LNX1: variants seen among roughly 807,000 people sequenced by gnomAD.
LNX1 encodes the protein ligand of numb-protein X 1, also known as E3 ubiquitin-protein ligase LNX.
LNX1 carries 54 observed loss-of-function variants against 68.4 expected under a neutral mutation model. The ratio of observed to expected loss-of-function variants is 0.79; its 90% CI spans 0.63 to 0.99. The LOEUF (loss-of-function observed/expected upper bound fraction) is 0.99. LNX1 is among the 50% of genes least tolerant of loss of function. The probability of loss-of-function intolerance (pLI) is 0.00; values close to 1 mark genes in which losing one functional copy is unlikely to be tolerated. For synonymous variants in LNX1, 336 were observed against 350.0 expected, an observed-to-expected ratio of 0.96 and a Z score of 0.45; for missense variants, 906 against 926.4, an observed-to-expected ratio of 0.98 and a Z score of 0.29.
At chr4:53,628,963 T>C (rs1228525912) in intron 1 of LNX1, among the ~76,000 whole-genome samples, 1 of 152,148 alleles carries the variant, frequency 6.6e-6, no homozygotes, top group Non-Finnish European at 1.5e-5. Flanking sequence ...TAATGGACTA[T>C]GGAGGCTCAG....
At chr4:53,498,170 T>C (rs746349310) in intron 5 of LNX1, among the ~76,000 whole-genome samples, 5 of 152,162 alleles carry the variant, frequency 3.3e-5, no homozygotes, top group African/African-American at 7.2e-5. Flanking sequence ...CGTAAGACTA[T>C]AGGAAATTGA....
intron 1 of LNX1, among the ~76,000 whole-genome samples, chr4:53,578,330 A>G (rs903199383): frequency 1.3e-5 from 2 of 152,228 alleles, no homozygotes; most frequent in Non-Finnish European, 2.9e-5. Flanking sequence ...CATAGAGTGC[A>G]CTTACACACA....
At chr4:53,570,757 G>C (rs938910740) in intron 2 of LNX1, among the ~76,000 whole-genome samples, 1 of 151,612 alleles carries the variant, frequency 6.6e-6, no homozygotes, top group African/African-American at 2.4e-5. Flanking sequence ...GCTGGGCGTG[G>C]TGGCTCACGC....
Position 53,477,577 on chromosome 4 carries a change from T to A in LNX1, c.1664-596A>T, listed in dbSNP as rs113712244. Among the ~76,000 whole-genome samples, 1,105 of 152,342 alleles carry A rather than the reference T, an allele frequency of 7.3e-3. 16 individuals are homozygous for A. Among genetic ancestry groups the A allele is most frequent in the African/African-American group, 0.026 (1,061 of 41,578 alleles). On this transcript the variant is annotated intron_variant, in intron 8 of 10. Coordinates refer to ENST00000263925, the MANE Select transcript of LNX1 (RefSeq NM_001126328.3). ...ATATAGATCATATAATCCTCTAGCT[T>A]ATGTTCTGTTAACAAGTCATTTGTT... is the stretch of plus-strand genomic sequence containing the variant.
At chr4:53,605,426 G>A (rs1442116895) in intron 2 of LNX1, among the ~76,000 whole-genome samples, 9 of 152,018 alleles carry the variant, frequency 5.9e-5, no homozygotes, top group Non-Finnish European at 1.0e-4. Flanking sequence ...TTGTGTATGC[G>A]TGTATGGGGG....
At chr4:53,486,821 T>C (rs113361137) in intron 6 of LNX1, among the ~76,000 whole-genome samples, 2,492 of 152,358 alleles carry the variant, frequency 0.016, 34 homozygotes, top group Non-Finnish European at 0.024. Context: ...TGATGGAACT[T>C]AGCATTTTGC....
At chr4:53,625,844 C>CAGTGTGT (rs71662240) in intron 1 of LNX1, among the ~76,000 whole-genome samples, 2 of 144,166 alleles carry the variant, frequency 1.4e-5, no homozygotes, top group Non-Finnish European at 3.0e-5. Flanking sequence ...AATTCCACCC[C>CAGTGTGT]GTGTGTGTGT....
chr4:53,472,384 GC>G (rs1723259026), intron 9 of LNX1, among the ~76,000 whole-genome samples: 1 of 152,010 alleles, frequency 6.6e-6, no homozygotes, highest in East Asian at 1.9e-4. Flanking sequence ...TATACCTAAT[GC>G]TAAATGACGA....
chr4:53,540,318 G>A (rs1253899195), intron 2 of LNX1, among the ~76,000 whole-genome samples: 1 of 152,136 alleles, frequency 6.6e-6, no homozygotes, highest in African/African-American at 2.4e-5. Flanking sequence ...GAGTGGTTGA[G>A]GCTGCAGTAA....
At position 53,464,119 on chromosome 4, in the gene LNX1, A is replaced by AAAT. The variant is rs1274097082; in HGVS notation, c.1893-2529_1893-2527dup. On this transcript the variant is annotated intron_variant, in intron 9 of 10. Coordinates refer to ENST00000263925, the MANE Select transcript of LNX1 (RefSeq NM_001126328.3). Reference sequence around the variant, plus strand: ...ATGTTTTGAGCTCTGTGAGAGCAGAAAATTGGAAATTGAATCTATAGAAAA... The same window carrying AAAT: ...ATGTTTTGAGCTCTGTGAGAGCAGAAAATAATTGGAAATTGAATCTATAGAAAA... Among the ~76,000 whole-genome samples the AAAT allele has an allele frequency of 5.3e-5, 8 of 152,282 alleles. No homozygotes were observed. In the East Asian group the frequency reaches 5.8e-4, roughly 11 times the overall value.
In LNX1 at chr4:53,498,707, T is replaced by C. The variant is rs1725253734; in HGVS notation, c.912A>G (p.Gln304=). 1 of 1,613,996 alleles carries C rather than the reference T, an allele frequency of 6.2e-7. No homozygotes were observed. The highest frequency in any genetic ancestry group is 8.5e-7 in the Non-Finnish European group (1 of 1,179,888). The change falls in exon 5 of 11, where the codon CAA becomes CAG. Residue 304 remains glutamine (Q), a synonymous_variant. Transcript: ENST00000263925. ...CGATCACCCCATCACGATAAATGTG[T>C]TGGATAATGATATGGACCAGTGGGG... ...SETPLVHIII[Q]HIYRDGVIAR...
At chr4:53,519,698 C>A (rs1727067663) in intron 2 of LNX1, among the ~76,000 whole-genome samples, 1 of 152,136 alleles carries the variant, frequency 6.6e-6, no homozygotes, top group East Asian at 1.9e-4. Flanking sequence ...CACACACACA[C>A]TCCTTAACAG....
Position 53,637,092 on chromosome 4 carries a change from T to C in LNX1, c.-215+15076A>G, listed in dbSNP as rs377615913. On this transcript the variant is annotated intron_variant, in intron 1 of 2. Transcript: ENST00000507168. ...CTGTTACTGCTAAGAGCATACAGCA[T>C]AGACAGAAGCAGTTTGATGAGAGGA... 1.9e-3 allele frequency among the ~76,000 whole-genome samples: 292 copies of C among 152,146 alleles called. 10 individuals carry two copies. The South Asian group carries it at 0.06, about 31-fold the overall frequency.
intron 2 of LNX1, among the ~76,000 whole-genome samples, chr4:53,516,234 C>G (rs1233257158): frequency 6.6e-6 from 1 of 151,974 alleles, no homozygotes; most frequent in Admixed American, 6.6e-5. Context: ...AGAGCAACAC[C>G]CTATCTATCT....
At chr4:53,524,891 G>C (rs1459299953) in intron 2 of LNX1, among the ~76,000 whole-genome samples, 3 of 152,156 alleles carry the variant, frequency 2.0e-5, no homozygotes, top group Non-Finnish European at 4.4e-5. Context: ...CTTGCCCAAA[G>C]GGGTGTTTTC....
chr4:53,563,658 C>T (rs532272211), intron 2 of LNX1, among the ~76,000 whole-genome samples: 11 of 152,224 alleles, frequency 7.2e-5, no homozygotes, highest in Non-Finnish European at 1.3e-4. Flanking sequence ...CCTCAGCCTC[C>T]CGAGTAGCTG....
At chr4:53,472,223 A>T (rs968884002) in intron 9 of LNX1, among the ~76,000 whole-genome samples, 3 of 152,196 alleles carry the variant, frequency 2.0e-5, no homozygotes, top group African/African-American at 7.2e-5. Context: ...CATTCTCAGC[A>T]AACTATTGCA....
intron 8 of LNX1, 120 bp from the exon 9 acceptor site, chr4:53,477,101 C>T: frequency 1.2e-6 from 1 of 846,766 alleles, no homozygotes; most frequent in Non-Finnish European, 2.0e-6. Context: ...CAAAGGTTTT[C>T]TTTGTTGACG....
chr4:53,637,538 C>G lies in LNX1; in HGVS notation c.-215+14630G>C, dbSNP rs76034902. The stretch of plus-strand genomic sequence containing the variant: ...ACATGTTATTTACTTTTTCACAACT[C>G]TGTGAAGTTGTAGCATTGCTCAATC... On this transcript the variant is annotated intron_variant, in intron 1 of 2. Transcript: ENST00000507168. Among the ~76,000 whole-genome samples, 27 of 152,272 alleles carry G rather than the reference C, an allele frequency of 1.8e-4. No individual in the cohort carries two copies. The East Asian group carries it at 3.5e-3, about 20-fold the overall frequency.
Sources: gnomAD v4.1 joint callset for allele counts (sites outside exome capture counted in the v4.1 genomes callset) on GRCh38, gnomAD v4.1.1 for gene constraint, MANE v1.5 for transcripts, NCBI Gene and HGNC (gene_info 2026-07-23, HGNC 2026-07-21) for gene names.